Variants in ZNF689 observed in about 807,000 individuals in gnomAD.
ZNF689 encodes short ORF-encoded histone-binding protein.
ZNF689 carries 14 observed loss-of-function variants against 37.2 expected under a neutral mutation model. The observed-to-expected ratio is 0.38, with a 90% CI of 0.25 to 0.59. The LOEUF is 0.59. ZNF689 is among the 20% of genes least tolerant of loss of function. ZNF689 has a pLI of 0.68. For missense variants in ZNF689, 573 were observed against 700.2 expected, an observed-to-expected ratio of 0.82 and a Z score of 2.05; for synonymous variants, 277 against 283.3, an observed-to-expected ratio of 0.98 and a Z score of 0.22.
intron 1 of ZNF689, 60 bp from the exon 2 acceptor site, chr16:30,609,698 C>A: frequency 6.2e-7 from 1 of 1,608,624 alleles, no homozygotes; most frequent in Non-Finnish European, 8.5e-7. Flanking sequence ...AGTATCTCCC[C>A]GACGGCACCT....
rs745813021 is a variant in ZNF689 at position 30,604,460 on chromosome 16, T to G, written c.1307A>C (p.Lys436Thr). The change falls in exon 3 of 3, where the codon AAG becomes ACG. Residue 436 changes from lysine to threonine, a missense_variant. Around this residue, in one of 3 missense-constraint regions of ZNF689, gnomAD observed 317 missense variants for 367.1 expected, o/e 0.86. Transcript: ENST00000287461. This position sits in a 1 kb window ranked among gnomAD's most constrained non-coding sequence, Gnocchi z 5.2. ...ERPYACDLCS[K>T]RFAQWSHLAQ... The stretch of plus-strand genomic sequence containing the variant: ...CAGGTGGCTCCACTGAGCAAAACGC[T>G]TGGAGCAAAGGTCGCAGGCATAGGG... The G allele has an allele frequency of 1.2e-6, 2 of 1,610,986 alleles. No homozygotes were observed. The highest frequency in any genetic ancestry group is 1.7e-6 in the Non-Finnish European group (2 of 1,178,792).
At chr16:30,606,402 A>AT (rs1369286293) in intron 2 of ZNF689, among the ~76,000 whole-genome samples, 3 of 152,156 alleles carry the variant, frequency 2.0e-5, no homozygotes, top group South Asian at 2.1e-4. Context: ...GTTTTTTCCC[A>AT]TTTTTTTGAT....
In ZNF689 at chr16:30,603,143, G is replaced by A. The variant is rs1199786146; in HGVS notation, c.*1121C>T. On this transcript the variant is annotated 3_prime_UTR_variant, in exon 3 of 3. Coordinates refer to ENST00000287461, the MANE Select transcript of ZNF689 (RefSeq NM_138447.3). ...TGTGCCTGATGAGAATCAGGGTCAA[G>A]TACGGCCCAATTCTCCAGGCTTTTC... The A allele has an allele frequency of 6.6e-6, 1 of 152,176 alleles. No homozygotes were observed. Among genetic ancestry groups the A allele is most frequent in the East Asian group, 1.9e-4 (1 of 5,190 alleles). The allele number at this position is 152,176 out of a possible 1,614,324, so 9.4% of individuals were successfully genotyped here.
chr16:30,610,052 A>G lies in ZNF689; in HGVS notation c.-11T>C. 5 of 1,577,280 alleles carry G rather than the reference A, an allele frequency of 3.2e-6. No homozygotes were observed. The highest frequency in any genetic ancestry group is 4.3e-6 in the Non-Finnish European group (5 of 1,163,432). ...CGAAGGTGGCGCCATGGGACCCGAG[A>G]AGCCGGCGCCACGGCCTTCCGTGTC... On this transcript the variant is annotated 5_prime_UTR_variant, in exon 1 of 3. Coordinates refer to ENST00000287461, the MANE Select transcript of ZNF689 (RefSeq NM_138447.3).
intron 2 of ZNF689, among the ~76,000 whole-genome samples, chr16:30,606,174 C>T (rs1314912443): frequency 1.3e-5 from 2 of 151,922 alleles, no homozygotes; most frequent in Non-Finnish European, 2.9e-5. Flanking sequence ...GGCACGCGTG[C>T]CTGCCTGTAG....
chr16:30,608,498 T>G (rs2052056623), intron 2 of ZNF689: 1 of 152,164 alleles, frequency 6.6e-6, no homozygotes, highest in African/African-American at 2.4e-5. Flanking sequence ...GTCAGGCTGG[T>G]CTTGAACTCC....
In ZNF689 at chr16:30,602,580, G is replaced by A. The variant is rs1445878511; in HGVS notation, c.*1684C>T. 6.6e-6 allele frequency: 1 copy of A among 152,184 alleles called. No individual in the cohort carries two copies. Among genetic ancestry groups the A allele is most frequent in the African/African-American group, 2.4e-5 (1 of 41,448 alleles). 9.4% of individuals were successfully genotyped at this position (152,184 alleles called of 1,614,324 possible). ...GAATTCATTCATCAGACATTTTAAT[G>A]AGACCCAATCTGATATGACCCCTTC... On this transcript the variant is annotated 3_prime_UTR_variant, in exon 3 of 3. Transcript: ENST00000287461.
chr16:30,605,803 CA>C lies in ZNF689; in HGVS notation c.320-357del, dbSNP rs2052030527. Among the ~76,000 whole-genome samples the C allele has an allele frequency of 6.6e-6, 1 of 151,990 alleles. No homozygotes were observed. Among genetic ancestry groups the C allele is most frequent in the African/African-American group, 2.4e-5 (1 of 41,398 alleles). On this transcript the variant is annotated intron_variant, in intron 2 of 2. Transcript: ENST00000287461. This position sits in a 1 kb window ranked among gnomAD's most constrained non-coding sequence, Gnocchi z 5.1. ...TGAAACCCTGTTTCTACTAAAAATACAAAAATTAGCCGGGCGTGGTGGCACG... is the reference window on the plus strand; with the variant it reads ...TGAAACCCTGTTTCTACTAAAAATACAAAATTAGCCGGGCGTGGTGGCACG...
chr16:30,604,080 C>T lies in ZNF689; in HGVS notation c.*184G>A. 1 of 744,134 alleles carries T rather than the reference C, an allele frequency of 1.3e-6. No homozygotes were observed. The highest frequency in any genetic ancestry group is 2.4e-6 in the Non-Finnish European group (1 of 419,642). 46.1% of individuals were successfully genotyped at this position (744,134 alleles called of 1,614,324 possible). A position where few individuals can be genotyped will look rare whatever the true frequency, so the allele number is the denominator to read the frequency against. ...ACTTTAAGCAAATGACGTCACCTCT[C>T]CTAATGGGACTGTTCCAGACACGCA... On this transcript the variant is annotated 3_prime_UTR_variant, in exon 3 of 3. Coordinates refer to ENST00000287461, the MANE Select transcript of ZNF689 (RefSeq NM_138447.3). The surrounding 1 kb of genome is among the most constrained non-coding windows in gnomAD (Gnocchi z 5.2).
Position 30,604,011 on chromosome 16 carries a change from C to T in ZNF689, c.*253G>A, listed in dbSNP as rs1397850754. 3 of 656,738 alleles carry T rather than the reference C, an allele frequency of 4.6e-6. No homozygotes were observed. Among genetic ancestry groups the T allele is most frequent in the Non-Finnish European group, 8.4e-6 (3 of 357,000 alleles). The allele number at this position is 656,738 out of a possible 1,614,324, so 40.7% of individuals were successfully genotyped here. A position where few individuals can be genotyped will look rare whatever the true frequency, so the allele number is the denominator to read the frequency against. ...AAAATAGATGGGGAGAACTTTTAGC[C>T]CTGATATCCACACAAACTATTTTAG... On this transcript the variant is annotated 3_prime_UTR_variant, in exon 3 of 3. Transcript: ENST00000287461. The surrounding 1 kb of genome is among the most constrained non-coding windows in gnomAD (Gnocchi z 5.2).
Position 30,610,236 on chromosome 16 carries a change from T to G in ZNF689, c.-195A>C. On this transcript the variant is annotated 5_prime_UTR_variant, in exon 1 of 3. Coordinates refer to ENST00000287461, the MANE Select transcript of ZNF689 (RefSeq NM_138447.3). ...TTATTCAGGAAACTCCTGCCCGAACTTGGGTGAAAGGCACCGGAAGATGCC... is the reference window on the plus strand; with the variant it reads ...TTATTCAGGAAACTCCTGCCCGAACGTGGGTGAAAGGCACCGGAAGATGCC... 1 of 671,594 alleles carries G rather than the reference T, an allele frequency of 1.5e-6. No homozygotes were observed. The highest frequency in any genetic ancestry group is 2.4e-6 in the Non-Finnish European group (1 of 411,954). The allele number at this position is 671,594 out of a possible 1,614,324, so 41.6% of individuals were successfully genotyped here. A position where few individuals can be genotyped will look rare whatever the true frequency, so the allele number is the denominator to read the frequency against.
chr16:30,608,693 G>A (rs981720171), intron 2 of ZNF689: 1 of 152,128 alleles, frequency 6.6e-6, no homozygotes, highest in Non-Finnish European at 1.5e-5. Flanking sequence ...TGGAACCTGC[G>A]TTTTTACCAA....
Position 30,604,811 on chromosome 16 carries a change from C to T in ZNF689, c.956G>A (p.Cys319Tyr), listed in dbSNP as rs2052019512. 1 of 1,609,496 alleles carries T rather than the reference C, an allele frequency of 6.2e-7. No individual in the cohort carries two copies. Among genetic ancestry groups the T allele is most frequent in the Non-Finnish European group, 8.5e-7 (1 of 1,177,488 alleles). Residue 319 changes from cysteine to tyrosine, a missense_variant, in exon 3 of 3, where the codon TGC (cysteine) becomes TAC (tyrosine). By Grantham distance (194) the Cys-to-Tyr change is radical. Coordinates refer to ENST00000287461, the MANE Select transcript of ZNF689 (RefSeq NM_138447.3). This position sits in a 1 kb window ranked among gnomAD's most constrained non-coding sequence, Gnocchi z 5.2. ...RIHTGEKPYP[C>Y]PDCERRFSSS... The stretch of plus-strand genomic sequence containing the variant: ...GGAGAAGCGCCGCTCGCAGTCCGGG[C>T]ACGGGTAGGGCTTCTCGCCCGTGTG...
rs754809699 is a variant in ZNF689 at position 30,605,464 on chromosome 16, G to A, written c.320-17C>T. On this transcript the variant is annotated splice_polypyrimidine_tract_variant and intron_variant, in intron 2 of 2. Coordinates refer to ENST00000287461, the MANE Select transcript of ZNF689 (RefSeq NM_138447.3). This position sits in a 1 kb window ranked among gnomAD's most constrained non-coding sequence, Gnocchi z 5.1. ...TTCTGCTTTCTATAGAAATACAGAA[G>A]CATTAATTTAACAAATACTGGGCTC... 5.0e-6 allele frequency: 8 copies of A among 1,601,062 alleles called. No individual in the cohort carries two copies. Among genetic ancestry groups the A allele is most frequent in the Admixed American group, 3.5e-5 (2 of 56,922 alleles).
intron 2 of ZNF689, among the ~76,000 whole-genome samples, chr16:30,607,030 C>T (rs2052042368): frequency 6.6e-6 from 1 of 151,486 alleles, no homozygotes; most frequent in Non-Finnish European, 1.5e-5. Context: ...GCAGGCGGAT[C>T]ACCTGAGGTC....
chr16:30,602,656 T>G lies in ZNF689; in HGVS notation c.*1608A>C, dbSNP rs1385654693. ...GAAACAAACAGTTACAATGTTACAATGCAACTTGCTAAATATTGAACAGAG... is the reference window on the plus strand; with the variant it reads ...GAAACAAACAGTTACAATGTTACAAGGCAACTTGCTAAATATTGAACAGAG... On this transcript the variant is annotated 3_prime_UTR_variant, in exon 3 of 3. Coordinates refer to ENST00000287461, the MANE Select transcript of ZNF689 (RefSeq NM_138447.3). The G allele has an allele frequency of 6.6e-6, 1 of 152,198 alleles. No homozygotes were observed. Among genetic ancestry groups the G allele is most frequent in the Non-Finnish European group, 1.5e-5 (1 of 68,036 alleles). 9.4% of individuals were successfully genotyped at this position (152,198 alleles called of 1,614,324 possible).
chr16:30,607,831 G>A (rs2052050683), intron 2 of ZNF689, among the ~76,000 whole-genome samples: 1 of 152,142 alleles, frequency 6.6e-6, no homozygotes, highest in Non-Finnish European at 1.5e-5. Flanking sequence ...GTGTGATCGT[G>A]GGCACCTGTA....
In ZNF689 at chr16:30,604,862, G is replaced by A. The variant is rs922399902; in HGVS notation, c.905C>T (p.Thr302Met). 5 of 1,588,378 alleles carry A rather than the reference G, an allele frequency of 3.1e-6. No individual in the cohort carries two copies. The highest frequency in any genetic ancestry group is 1.2e-5 in the South Asian group (1 of 86,404). The change falls in exon 3 of 3, where the codon ACG (threonine) becomes ATG (methionine). Residue 302 changes from threonine to methionine, a missense_variant. By Grantham distance (81) the Thr-to-Met change is moderately conservative. This residue lies in a region of ZNF689 where 317 missense variants were observed against 367.1 expected (regional missense o/e 0.86). Coordinates refer to ENST00000287461, the MANE Select transcript of ZNF689 (RefSeq NM_138447.3). The surrounding 1 kb of genome is among the most constrained non-coding windows in gnomAD (Gnocchi z 5.2). ...LECNRRFRQRTALVIHQRIHT... is the reference protein window; with the variant it reads ...LECNRRFRQRMALVIHQRIHT... ...GATGCGCTGGTGGATGACGAGGGCC[G>A]TGCGCTGGCGGAAGCGGCGGTTGCA...
chr16:30,605,020 G>A lies in ZNF689; in HGVS notation c.747C>T (p.Ala249=), dbSNP rs776148318. The A allele has an allele frequency of 6.2e-7, 1 of 1,610,036 alleles. No homozygotes were observed. The highest frequency in any genetic ancestry group is 8.5e-7 in the Non-Finnish European group (1 of 1,177,430). Residue 249 remains alanine (A), a synonymous_variant, in exon 3 of 3, where the codon GCC becomes GCT. Transcript: ENST00000287461. This position sits in a 1 kb window ranked among gnomAD's most constrained non-coding sequence, Gnocchi z 5.1. ...CACCTGTGTGTGTGGTCCGGTGATT[G>A]GCCAAGGACCGGCTCCTCCGGAAGC... ...GRCFRRSRSL[A]NHRTTHTGEK...
Sources: allele counts gnomAD v4.1 joint callset (sites outside exome capture counted in the v4.1 genomes callset), GRCh38; gene constraint gnomAD v4.1.1; regional missense constraint gnomAD v4.1.1; non-coding constraint Gnocchi (gnomAD v3.1); transcripts MANE v1.5; gene names NCBI Gene and HGNC (gene_info 2026-07-23, HGNC 2026-07-21).